The following ARRB1 variants were observed in gnomAD, a reference collection of about 807,000 sequenced individuals.
ARRB1 encodes the protein arrestin beta 1, also known as beta-arrestin-1.
In ARRB1, 21 loss-of-function variants were observed where a neutral mutation model predicts 56.8. The observed-to-expected ratio is 0.37, with a 90% CI of 0.26 to 0.53. The LOEUF (loss-of-function observed/expected upper bound fraction) is 0.53, where lower values mean the gene tolerates loss of function less well. Among genes scored for constraint, ARRB1 ranks in the 20% least tolerant of loss-of-function variants. The pLI, the probability that ARRB1 is intolerant of heterozygous loss-of-function variation, is 0.88. For synonymous variants in ARRB1, 210 were observed against 218.6 expected (o/e 0.96, Z 0.35); for missense variants, 424 against 553.7 (o/e 0.77, Z 2.35).
At chr11:75,326,662 C>T (rs184275549) in intron 1 of ARRB1, among the ~76,000 whole-genome samples, 1 of 151,988 alleles carries the variant, frequency 6.6e-6, no homozygotes, top group East Asian at 1.9e-4. Context: ...CTCACCCTAA[C>T]GCCCATGTCT....
chr11:75,306,232 A>C (rs555166127), intron 1 of ARRB1, among the ~76,000 whole-genome samples: 8 of 151,820 alleles, frequency 5.3e-5, no homozygotes, highest in African/African-American at 1.4e-4. Context: ...TCCCTGGGCA[A>C]CTCCACCCAC....
chr11:75,337,403 G>A (rs1947622058), intron 1 of ARRB1, among the ~76,000 whole-genome samples: 1 of 152,182 alleles, frequency 6.6e-6, no homozygotes, highest in African/African-American at 2.4e-5. Flanking sequence ...AGTTTTGACT[G>A]TTTTCCTTCA....
chr11:75,349,803 G>A (rs1447007540), intron 1 of ARRB1, among the ~76,000 whole-genome samples: 1 of 152,228 alleles, frequency 6.6e-6, no homozygotes, highest in Non-Finnish European at 1.5e-5. Flanking sequence ...AGCCATCAAG[G>A]TTCATGCAGA....
chr11:75,311,381 C>T (rs1008619208), intron 1 of ARRB1, among the ~76,000 whole-genome samples: 7 of 152,106 alleles, frequency 4.6e-5, no homozygotes, highest in African/African-American at 1.4e-4. Flanking sequence ...ACAGCAATTC[C>T]GAGAAAGGAG....
chr11:75,332,688 A>C (rs759812624), intron 1 of ARRB1, among the ~76,000 whole-genome samples: 1 of 152,142 alleles, frequency 6.6e-6, no homozygotes, highest in Non-Finnish European at 1.5e-5. Flanking sequence ...TGAGGTCAGG[A>C]GTTCGAGACC....
intron 14 of ARRB1, among the ~76,000 whole-genome samples, chr11:75,268,510 C>CAAAAAAAAAAAAA (rs61409833): frequency 4.9e-5 from 3 of 61,426 alleles, no homozygotes; most frequent in Admixed American, 2.3e-4. Context: ...GTCTCAAAAC[C>CAAAAAAAAAAAAA]AAAAAAAAAA....
chr11:75,266,177 G>C lies in ARRB1; in HGVS notation c.1243C>G (p.Leu415Val). The change falls in exon 16 of 16, where the codon CTC (leucine) becomes GTC (valine). Residue 415 changes from leucine (L) to valine (V), a missense_variant. Physicochemically the swap from Leu to Val is conservative, Grantham distance 32. Around this residue, in one of 3 missense-constraint regions of ARRB1, gnomAD observed 121 missense variants for 147.3 expected, o/e 0.82. Transcript: ENST00000420843. ...GGCCGGCCCGTCTATCTGTTGTTGA[G>C]CTGTGGAGAGCCGGTACCATCCTCC... ...EEEDGTGSPQ[L>V]NNR 2 of 1,614,192 alleles carry C rather than the reference G, an allele frequency of 1.2e-6. No individual in the cohort carries two copies. Among genetic ancestry groups the C allele is most frequent in the Non-Finnish European group, 8.5e-7 (1 of 1,179,996 alleles).
At chr11:75,329,682 G>T (rs1334882145) in intron 1 of ARRB1, among the ~76,000 whole-genome samples, 1 of 152,094 alleles carries the variant, frequency 6.6e-6, no homozygotes, top group Non-Finnish European at 1.5e-5. Context: ...CATTCCATGT[G>T]GGGACGAACA....
At chr11:75,277,599 C>T (rs1280349631) in intron 8 of ARRB1, 151 bp from the exon 9 acceptor site, 4 of 691,216 alleles carry the variant, frequency 5.8e-6, no homozygotes, top group Middle Eastern at 4.0e-4. Context: ...TGAAGTCCAT[C>T]ACATCCCTCA....
chr11:75,280,433 AGGG>A (rs1213940391), intron 7 of ARRB1, among the ~76,000 whole-genome samples: 57 of 152,322 alleles, frequency 3.7e-4, no homozygotes, highest in African/African-American at 1.4e-3. Flanking sequence ...ATCAGCGTCG[AGGG>A]CCCACCAGCT....
chr11:75,295,911 A>C (rs969928997), intron 1 of ARRB1, among the ~76,000 whole-genome samples: 7 of 152,198 alleles, frequency 4.6e-5, no homozygotes, highest in African/African-American at 1.4e-4. Flanking sequence ...TTGGCTGGGC[A>C]CAGTGGCTCA....
intron 1 of ARRB1, among the ~76,000 whole-genome samples, chr11:75,323,644 T>C (rs533460003): frequency 6.6e-6 from 1 of 151,864 alleles, no homozygotes; most frequent in South Asian, 2.1e-4. Flanking sequence ...AAAAAATAAG[T>C]GTACCTGGAG....
chr11:75,268,764 A>C, intron 14 of ARRB1, 125 bp downstream of exon 14: 1 of 1,049,564 alleles, frequency 9.5e-7, no homozygotes, highest in Non-Finnish European at 1.4e-6. Flanking sequence ...TGGACCCCAC[A>C]AAAGATCTGG....
At chr11:75,279,034 CA>C (rs1426936155) in intron 7 of ARRB1, among the ~76,000 whole-genome samples, 1 of 152,216 alleles carries the variant, frequency 6.6e-6, no homozygotes, top group Non-Finnish European at 1.5e-5. Flanking sequence ...CCTATGTCAC[CA>C]AATAGGTAAC....
chr11:75,296,831 C>A (rs541174945), intron 1 of ARRB1, among the ~76,000 whole-genome samples: 3 of 152,246 alleles, frequency 2.0e-5, no homozygotes, highest in African/African-American at 7.2e-5. Flanking sequence ...GTGCATGCCA[C>A]CATGCCCAGC....
intron 1 of ARRB1, among the ~76,000 whole-genome samples, chr11:75,327,301 C>CAAAAAAAAAAAAA (rs777940901): frequency 1.7e-5 from 1 of 60,268 alleles, no homozygotes; most frequent in Non-Finnish European, 3.0e-5. Context: ...AACTCCATCT[C>CAAAAAAAAAAAAA]AAAAAAAAAA....
At chr11:75,326,614 C>T (rs1273926655) in intron 1 of ARRB1, among the ~76,000 whole-genome samples, 1 of 152,056 alleles carries the variant, frequency 6.6e-6, no homozygotes, top group African/African-American at 2.4e-5. Flanking sequence ...GCACCCTTAC[C>T]TGCCACAGCC....
chr11:75,324,076 G>T (rs1216521218), intron 1 of ARRB1, among the ~76,000 whole-genome samples: 1 of 152,190 alleles, frequency 6.6e-6, no homozygotes, highest in African/African-American at 2.4e-5. Flanking sequence ...ACACCAAAAA[G>T]TGTTAGAAAT....
chr11:75,348,117 G>C (rs549184751), intron 1 of ARRB1, among the ~76,000 whole-genome samples: 1 of 152,194 alleles, frequency 6.6e-6, no homozygotes, highest in Non-Finnish European at 1.5e-5. Flanking sequence ...TCCTTAGCCT[G>C]ACATTCCCAG....
Sources: gnomAD v4.1 joint callset for allele counts (sites outside exome capture counted in the v4.1 genomes callset) on GRCh38, gnomAD v4.1.1 for gene constraint, gnomAD v4.1.1 regional missense constraint, MANE v1.5 for transcripts, NCBI Gene and HGNC (gene_info 2026-07-23, HGNC 2026-07-21) for gene names.